The following NKAIN3 variants were observed in gnomAD, a reference collection of about 807,000 sequenced individuals.
NKAIN3 encodes sodium/potassium transporting ATPase interacting 3.
A neutral mutation model predicts 30.2 loss-of-function variants in NKAIN3; 25 were observed. The observed-to-expected ratio is 0.83, with a 90% CI of 0.60 to 1.16. The LOEUF (loss-of-function observed/expected upper bound fraction) is 1.16. Ranked by LOEUF, NKAIN3 falls within the 50% of genes most tolerant of loss-of-function variation. The pLI is 0.00. For synonymous variants in NKAIN3, 91 were observed against 89.6 expected (o/e 1.02, Z -0.09); for missense variants, 225 against 254.1 (o/e 0.89, Z 0.78).
intron 3 of NKAIN3, among the ~76,000 whole-genome samples, chr8:62,658,073 G>C (rs1038489689): frequency 6.6e-6 from 1 of 152,298 alleles, no homozygotes; most frequent in East Asian, 1.9e-4. Flanking sequence ...AAGGGCAGCC[G>C]AGGCATAGAT....
chr8:62,500,470 AAAGAAAGAAAGAAAGAAGAAAAG>A (rs1807402718), intron 1 of NKAIN3, among the ~76,000 whole-genome samples: 4 of 141,868 alleles, frequency 2.8e-5, no homozygotes, highest in African/African-American at 8.2e-5. Flanking sequence ...AGAAAGAAAG[AAAGAAAGAAAGAAAGAAGAAAAG>A]AAAGAAAGAA....
intron 1 of NKAIN3, among the ~76,000 whole-genome samples, chr8:62,487,164 C>T (rs1223930740): frequency 6.6e-6 from 1 of 152,178 alleles, no homozygotes; most frequent in East Asian, 1.9e-4. Flanking sequence ...GCATTGAGGA[C>T]TGCTGGCTCC....
intron 3 of NKAIN3, among the ~76,000 whole-genome samples, chr8:62,613,712 C>T (rs1004519520): frequency 2.0e-5 from 3 of 151,828 alleles, no homozygotes; most frequent in Non-Finnish European, 4.4e-5. Context: ...GTTTTTTATT[C>T]CTTTTTCTCT....
rs184702316 is a variant in NKAIN3 at position 62,741,323 on chromosome 8, A to G, written c.274-5609A>G. On this transcript the variant is annotated intron_variant, in intron 3 of 6. Transcript: ENST00000623646. Reference sequence around the variant, plus strand: ...AGTGGGAAGGGGGAGAGGGAGAAAGAAAAAAAAAGAATGAGTGAGAGAGAA... The same window carrying G: ...AGTGGGAAGGGGGAGAGGGAGAAAGGAAAAAAAAGAATGAGTGAGAGAGAA... Among the ~76,000 whole-genome samples the G allele has an allele frequency of 2.7e-3, 411 of 151,102 alleles. 3 individuals are homozygous for G. The highest frequency in any genetic ancestry group is 9.6e-3 in the African/African-American group (395 of 41,232).
Position 62,981,313 on chromosome 8 carries a change from G to A in NKAIN3, c.*15906G>A, listed in dbSNP as rs1824069352. On this transcript the variant is annotated 3_prime_UTR_variant, in exon 7 of 7. Transcript: ENST00000623646. Reference sequence around the variant, plus strand: ...GCTAGATGACAGATTCTACCAGAAGGCCAGAGTATTAATAGCACCCGTGAT... The same window carrying A: ...GCTAGATGACAGATTCTACCAGAAGACCAGAGTATTAATAGCACCCGTGAT... 2 of 152,152 alleles carry A rather than the reference G, an allele frequency of 1.3e-5. No homozygotes were observed. The highest frequency in any genetic ancestry group is 4.1e-4 in the South Asian group (2 of 4,832). The allele number at this position is 152,152 out of a possible 1,614,324, so 9.4% of individuals were successfully genotyped here. A position where few individuals can be genotyped will look rare whatever the true frequency, so the allele number is the denominator to read the frequency against.
At chr8:62,722,135 G>C (rs975894892) in intron 3 of NKAIN3, among the ~76,000 whole-genome samples, 3 of 152,092 alleles carry the variant, frequency 2.0e-5, no homozygotes, top group Non-Finnish European at 2.9e-5. Context: ...ATTGACCAGT[G>C]CCTCATAGAA....
Position 62,305,327 on chromosome 8 carries a change from A to G in NKAIN3, c.54+56200A>G, listed in dbSNP as rs1052596510. Among the ~76,000 whole-genome samples, 3 of 150,424 alleles carry G rather than the reference A, an allele frequency of 2.0e-5. 1 individual carries two copies. The highest frequency in any genetic ancestry group is 7.5e-5 in the African/African-American group (3 of 39,828). The stretch of plus-strand genomic sequence containing the variant: ...ATCATTCAACAGAAATTGGGTTTTA[A>G]AGGGAGAAATCGAATTTGAGTTAGG... On this transcript the variant is annotated intron_variant, in intron 1 of 6. Transcript: ENST00000623646.
chr8:62,759,336 A>G (rs1816564259), intron 4 of NKAIN3, among the ~76,000 whole-genome samples: 1 of 152,158 alleles, frequency 6.6e-6, no homozygotes, highest in Non-Finnish European at 1.5e-5. Context: ...CAATTCAATG[A>G]TTTGTAATGG....
chr8:62,818,714 A>C (rs1280497276), intron 4 of NKAIN3, among the ~76,000 whole-genome samples: 2 of 152,128 alleles, frequency 1.3e-5, no homozygotes, highest in Non-Finnish European at 2.9e-5. Flanking sequence ...GCTACAAAAT[A>C]ATCTGATAAT....
chr8:62,436,489 A>T (rs1036383709), intron 1 of NKAIN3, among the ~76,000 whole-genome samples: 2 of 152,154 alleles, frequency 1.3e-5, no homozygotes, highest in Non-Finnish European at 2.9e-5. Flanking sequence ...TGTCAGTTTA[A>T]GTGGTTATAA....
chr8:62,630,328 C>T (rs1440335864), intron 3 of NKAIN3, among the ~76,000 whole-genome samples: 2 of 152,062 alleles, frequency 1.3e-5, no homozygotes, highest in Non-Finnish European at 2.9e-5. Context: ...GGAGCCCTTT[C>T]TTCCAACTGA....
intron 1 of NKAIN3, among the ~76,000 whole-genome samples, chr8:62,279,988 T>G (rs10808722): frequency 1.3e-5 from 2 of 152,036 alleles, no homozygotes; most frequent in African/African-American, 2.4e-5. Flanking sequence ...TCACGATATT[T>G]GTTCTTCCTA....
At chr8:62,371,946 G>T (rs1816920616) in intron 1 of NKAIN3, among the ~76,000 whole-genome samples, 1 of 151,734 alleles carries the variant, frequency 6.6e-6, no homozygotes, top group African/African-American at 2.4e-5. Flanking sequence ...TACCTTCTTT[G>T]CCAAAGGATT....
intron 3 of NKAIN3, among the ~76,000 whole-genome samples, chr8:62,692,365 A>G (rs1012255935): frequency 2.0e-5 from 3 of 152,234 alleles, no homozygotes; most frequent in East Asian, 3.9e-4. Flanking sequence ...GCATCCAGGT[A>G]TAAGAAGCAA....
intron 1 of NKAIN3, among the ~76,000 whole-genome samples, chr8:62,402,707 A>G (rs1803920699): frequency 6.6e-6 from 1 of 152,186 alleles, no homozygotes; most frequent in Non-Finnish European, 1.5e-5. Flanking sequence ...GCAGAACTGT[A>G]AGTGAATTTA....
At chr8:62,933,445 G>GA (rs1418265837) in intron 5 of NKAIN3, among the ~76,000 whole-genome samples, 1 of 152,052 alleles carries the variant, frequency 6.6e-6, no homozygotes, top group African/African-American at 2.4e-5. Flanking sequence ...TATATTGCGG[G>GA]AAAAAACTGG....
At chr8:62,646,121 C>T (rs951454260) in intron 3 of NKAIN3, among the ~76,000 whole-genome samples, 61 of 145,224 alleles carry the variant, frequency 4.2e-4, no homozygotes, top group African/African-American at 1.4e-3. Flanking sequence ...AATCAAATGG[C>T]GTTTTCCCTC....
chr8:62,820,185 G>A (rs955816936), intron 4 of NKAIN3, among the ~76,000 whole-genome samples: 4 of 152,126 alleles, frequency 2.6e-5, no homozygotes, highest in East Asian at 1.9e-4. Context: ...GATTTGCAAC[G>A]AAGGAATAAC....
At chr8:62,741,416 AAGG>A (rs1815880577) in intron 3 of NKAIN3, among the ~76,000 whole-genome samples, 1 of 128,324 alleles carries the variant, frequency 7.8e-6, no homozygotes, top group African/African-American at 3.2e-5. Flanking sequence ...GGAAGGAAGG[AAGG>A]AAGGCAGGCA....
Sources: gnomAD v4.1 joint callset for allele counts (sites outside exome capture counted in the v4.1 genomes callset) on GRCh38, gnomAD v4.1.1 for gene constraint, MANE v1.5 for transcripts, NCBI Gene and HGNC (gene_info 2026-07-23, HGNC 2026-07-21) for gene names.